The following LMBR1 variants were observed in gnomAD, a reference collection of about 807,000 sequenced individuals.
LMBR1 encodes limb region 1 protein homolog.
Under a neutral mutation model 73.9 loss-of-function variants are expected in LMBR1, and 52 were observed. The ratio of observed to expected loss-of-function variants is 0.70; its 90% CI spans 0.56 to 0.89. The LOEUF is 0.89. LMBR1 is among the 40% of genes least tolerant of loss of function. The probability of loss-of-function intolerance (pLI) is 0.00; values close to 1 mark genes in which losing one functional copy is unlikely to be tolerated. For missense variants in LMBR1, 539 were observed against 579.8 expected (o/e 0.93, Z 0.72); for synonymous variants, 215 against 209.4 (o/e 1.03, Z -0.23).
intron 3 of LMBR1, among the ~76,000 whole-genome samples, chr7:156,827,851 T>TA (rs1172764473): frequency 6.3e-4 from 96 of 152,330 alleles, no homozygotes; most frequent in African/African-American, 2.2e-3. Flanking sequence ...CTCCTTGGTT[T>TA]AGTAAATCAA....
intron 1 of LMBR1, among the ~76,000 whole-genome samples, chr7:156,866,364 C>T (rs1448470747): frequency 6.6e-6 from 1 of 151,832 alleles, no homozygotes; most frequent in Non-Finnish European, 1.5e-5. Flanking sequence ...GAGAGGTCTA[C>T]GTAAGCTATT....
chr7:156,762,956 C>T, intron 7 of LMBR1, 152 bp downstream of exon 7: 1 of 524,148 alleles, frequency 1.9e-6, no homozygotes, highest in Non-Finnish European at 3.4e-6. Context: ...TCAAAGTTTC[C>T]ATTTATCAAA....
rs572561591 is a variant in LMBR1 at position 156,805,030 on chromosome 7, G to A, written c.320-8538C>T. Among the ~76,000 whole-genome samples, 4 of 152,150 alleles carry A rather than the reference G, an allele frequency of 2.6e-5. No homozygotes were observed. The South Asian group carries it at 8.3e-4, about 32-fold the overall frequency. On this transcript the variant is annotated intron_variant, in intron 4 of 16. Transcript: ENST00000353442. Reference sequence around the variant, plus strand: ...TTGCGAATGGTGCCAGGTATGGACTGAAGTTCATTTTTTGCCTATAATTAA... The same window carrying A: ...TTGCGAATGGTGCCAGGTATGGACTAAAGTTCATTTTTTGCCTATAATTAA...
downstream of LMBR1, chr7:156,676,931 G>T: frequency 2.6e-6 from 1 of 382,944 alleles, no homozygotes; most frequent in South Asian, 3.2e-5. Context: ...AAAAATTGAG[G>T]TTAAGATATA....
chr7:156,846,445 TAGCATTCCACCAA>T (rs1439426129), intron 1 of LMBR1, among the ~76,000 whole-genome samples: 136 of 152,298 alleles, frequency 8.9e-4, no homozygotes, highest in Non-Finnish European at 3.2e-4. Flanking sequence ...CTATTTATAT[TAGCATTCCACCAA>T]AGCAAAATAC....
Position 156,683,838 on chromosome 7 carries a change from T to C in LMBR1, c.*240A>G. ...AAATGTCTACAGAAGAATGCGCTGT[T>C]CTATATGTCTGTAAGGAATCTGCAC... is the stretch of plus-strand genomic sequence containing the variant. On this transcript the variant is annotated 3_prime_UTR_variant, in exon 17 of 17. Coordinates refer to ENST00000353442, the MANE Select transcript of LMBR1 (RefSeq NM_022458.4). The C allele has an allele frequency of 2.2e-6, 1 of 456,762 alleles. No individual in the cohort carries two copies. Among genetic ancestry groups the C allele is most frequent in the East Asian group, 3.5e-5 (1 of 28,334 alleles). 28.3% of individuals were successfully genotyped at this position (456,762 alleles called of 1,614,324 possible). A position where few individuals can be genotyped will look rare whatever the true frequency, so the allele number is the denominator to read the frequency against.
chr7:156,793,944 G>A (rs757089789), intron 5 of LMBR1, among the ~76,000 whole-genome samples: 73 of 151,484 alleles, frequency 4.8e-4, no homozygotes, highest in Non-Finnish European at 1.6e-4. Context: ...ATTTTCTCAC[G>A]GTTGCAGCTT....
chr7:156,885,290 T>C (rs190093771), intron 1 of LMBR1, among the ~76,000 whole-genome samples: 31 of 149,242 alleles, frequency 2.1e-4, no homozygotes, highest in Admixed American at 4.7e-4. Flanking sequence ...AAGGCGGAGG[T>C]TGCAGTGAGC....
At chr7:156,832,950 T>C (rs150481798) in intron 3 of LMBR1, among the ~76,000 whole-genome samples, 21 of 152,310 alleles carry the variant, frequency 1.4e-4, no homozygotes, top group African/African-American at 4.1e-4. Context: ...AAGGACATTA[T>C]TGGGATAACT....
intron 8 of LMBR1, among the ~76,000 whole-genome samples, chr7:156,761,598 C>T (rs767208914): frequency 1.3e-5 from 2 of 152,018 alleles, no homozygotes; most frequent in Non-Finnish European, 2.9e-5. Context: ...GGAATTTTTA[C>T]CTATGCACCT....
At chr7:156,718,821 G>C (rs978404544) in intron 15 of LMBR1, among the ~76,000 whole-genome samples, 3 of 151,454 alleles carry the variant, frequency 2.0e-5, no homozygotes, top group Non-Finnish European at 4.4e-5. Flanking sequence ...CATTTGTCTA[G>C]TTTTAATTGT....
chr7:156,675,869 T>A (rs566449338), downstream of LMBR1: 3 of 1,609,882 alleles, frequency 1.9e-6, no homozygotes, highest in South Asian at 3.3e-5. Flanking sequence ...TGCAGGTAGG[T>A]TTGGCTGGCA....
At chr7:156,672,070 A>C (rs1188937455) in intron 4 of LMBR1, among the ~76,000 whole-genome samples, 1 of 152,150 alleles carries the variant, frequency 6.6e-6, no homozygotes, top group Non-Finnish European at 1.5e-5. Flanking sequence ...GTGTGGAATT[A>C]GTTTGTGATT....
intron 9 of LMBR1, among the ~76,000 whole-genome samples, chr7:156,746,301 A>G (rs1819848754): frequency 6.6e-6 from 1 of 152,196 alleles, no homozygotes; most frequent in African/African-American, 2.4e-5. Context: ...TTATTCTGGT[A>G]ACCAGCTGAA....
chr7:156,780,411 C>T (rs558896603), intron 5 of LMBR1, among the ~76,000 whole-genome samples: 2 of 152,104 alleles, frequency 1.3e-5, no homozygotes, highest in African/African-American at 4.8e-5. Context: ...CTCCAGATTA[C>T]AAATGAATTA....
At chr7:156,731,083 T>C (rs1292241099) in intron 10 of LMBR1, among the ~76,000 whole-genome samples, 1 of 152,144 alleles carries the variant, frequency 6.6e-6, no homozygotes, top group Non-Finnish European at 1.5e-5. Flanking sequence ...ATGGAAAATT[T>C]TGCAAGTAAA....
intron 1 of LMBR1, among the ~76,000 whole-genome samples, chr7:156,860,111 G>A (rs190995354): frequency 1.3e-5 from 2 of 152,270 alleles, no homozygotes; most frequent in Non-Finnish European, 2.9e-5. Flanking sequence ...ACCCTATGGC[G>A]TTCCCAAAAT....
intron 16 of LMBR1, 115 bp downstream of exon 16, chr7:156,687,915 G>T: frequency 1.1e-6 from 1 of 945,288 alleles, no homozygotes; most frequent in South Asian, 2.0e-5. Flanking sequence ...TCAATAATTT[G>T]ACCTCTAAGG....
intron 1 of LMBR1, among the ~76,000 whole-genome samples, chr7:156,874,364 C>T (rs1034799886): frequency 2.0e-5 from 3 of 152,230 alleles, no homozygotes; most frequent in Non-Finnish European, 4.4e-5. Context: ...CACGCAGCCC[C>T]GGCTCCCGCT....
Sources: gnomAD v4.1 joint callset for allele counts (sites outside exome capture counted in the v4.1 genomes callset) on GRCh38, gnomAD v4.1.1 for gene constraint, MANE v1.5 for transcripts, NCBI Gene and HGNC (gene_info 2026-07-23, HGNC 2026-07-21) for gene names.